GAD2: variants seen among roughly 807,000 people sequenced by gnomAD.
The protein encoded by GAD2 is glutamate decarboxylase 2.
In GAD2, 22 loss-of-function variants were observed where a neutral mutation model predicts 80.1. The ratio of observed to expected loss-of-function variants is 0.27; its 90% CI spans 0.20 to 0.39. The LOEUF (loss-of-function observed/expected upper bound fraction) is 0.39, where lower values mean the gene tolerates loss of function less well. Ranked by LOEUF, GAD2 falls within the 10% of genes least tolerant of loss-of-function variation. The pLI, the probability that GAD2 is intolerant of heterozygous loss-of-function variation, is 1.00. For synonymous variants in GAD2, 274 were observed against 256.9 expected (o/e 1.07, Z -0.64); for missense variants, 624 against 738.4 (o/e 0.85, Z 1.80).
intron 8 of GAD2, 144 bp downstream of exon 8, chr10:26,246,144 A>C (rs1844806484): frequency 3.2e-6 from 2 of 629,714 alleles, no homozygotes; most frequent in African/African-American, 1.9e-5. Flanking sequence ...TCTTTTTAAC[A>C]TGGGCTCCTG....
intron 11 of GAD2, among the ~76,000 whole-genome samples, chr10:26,277,616 G>C (rs77362526): frequency 0.015 from 2,245 of 152,328 alleles, 62 homozygotes; most frequent in African/African-American, 0.05. Context: ...GGACAGGAAA[G>C]AAGCTGAGTG....
intron 7 of GAD2, among the ~76,000 whole-genome samples, chr10:26,232,526 G>A (rs1844617432): frequency 6.9e-6 from 1 of 145,340 alleles, no homozygotes; most frequent in African/African-American, 2.6e-5. Flanking sequence ...CCAGGCTGGA[G>A]TGCTGTGGCG....
At chr10:26,293,230 T>C (rs1279258867) in intron 15 of GAD2, among the ~76,000 whole-genome samples, 1 of 144,208 alleles carries the variant, frequency 6.9e-6, no homozygotes, top group African/African-American at 2.6e-5. Context: ...CAGGTTGCAG[T>C]GCAGTGGCGT....
chr10:26,239,038 C>T (rs1393406656), intron 7 of GAD2, among the ~76,000 whole-genome samples: 2 of 152,130 alleles, frequency 1.3e-5, no homozygotes, highest in Non-Finnish European at 2.9e-5. Context: ...GATTCCAGCT[C>T]ATTGATAGGC....
rs1473151824 is a variant in GAD2, at chr10:26,303,435, T to G, written c.*2474T>G. ...GATGTGGAATCAGGTCAGAAGAGAG[T>G]AAGGGAGGAAGGGAGGGAGGGAGGG... On this transcript the variant is annotated 3_prime_UTR_variant, in exon 16 of 16. Transcript: ENST00000376261. 2 of 88,450 alleles carry G rather than the reference T, an allele frequency of 2.3e-5. No individual in the cohort carries two copies. The highest frequency in any genetic ancestry group is 4.9e-5 in the African/African-American group (1 of 20,266). The allele number at this position is 88,450 out of a possible 1,614,324, so 5.5% of individuals were successfully genotyped here.
intron 6 of GAD2, among the ~76,000 whole-genome samples, chr10:26,229,293 A>G (rs1844568821): frequency 6.6e-6 from 1 of 152,106 alleles, no homozygotes; most frequent in African/African-American, 2.4e-5. Context: ...TGAAAAAAAA[A>G]AAGCTTTCTC....
Position 26,300,943 on chromosome 10 carries a change from C to T in GAD2, c.1740C>T (p.Arg580=), listed in dbSNP as rs764878633. 6.2e-7 allele frequency: 1 copy of T among 1,613,618 alleles called. No homozygotes were observed. The highest frequency in any genetic ancestry group is 8.5e-7 in the Non-Finnish European group (1 of 1,179,762). Residue 580 remains arginine, a synonymous_variant, in exon 16 of 16, where the codon CGC becomes CGT. Transcript: ENST00000376261. ...ACTTCCTGATTGAAGAAATAGAACG[C>T]CTTGGACAAGATTTATAATAACCTT... ...DIDFLIEEIE[R]LGQDL
chr10:26,279,240 CAAAGCCA>C (rs1375122435), intron 11 of GAD2, among the ~76,000 whole-genome samples: 1 of 152,070 alleles, frequency 6.6e-6, no homozygotes, highest in Non-Finnish European at 1.5e-5. Flanking sequence ...AGAAGTTAAA[CAAAGCCA>C]CAGAGATCAT....
intron 6 of GAD2, among the ~76,000 whole-genome samples, chr10:26,229,125 T>C (rs1053916632): frequency 1.3e-5 from 2 of 150,496 alleles, no homozygotes; most frequent in Non-Finnish European, 2.9e-5. Context: ...ACCCAGGAGA[T>C]AGAGGTGGCA....
intron 8 of GAD2, among the ~76,000 whole-genome samples, chr10:26,253,973 CTG>C (rs1844913314): frequency 6.6e-6 from 1 of 152,196 alleles, no homozygotes; most frequent in South Asian, 2.1e-4. Context: ...CAGGATGAAA[CTG>C]TTCCACCTCA....
intron 8 of GAD2, among the ~76,000 whole-genome samples, chr10:26,254,889 G>A (rs2132294534): frequency 6.6e-6 from 1 of 152,342 alleles, no homozygotes; most frequent in Middle Eastern, 3.4e-3. Context: ...AGGAGGCAAG[G>A]ATGAATGCCA....
intron 7 of GAD2, among the ~76,000 whole-genome samples, chr10:26,236,302 C>CTTT (rs201706752): frequency 7.3e-6 from 1 of 137,464 alleles, no homozygotes; most frequent in African/African-American, 2.7e-5. Context: ...TTTCTTTTTT[C>CTTT]TTTTTTTTTT....
At chr10:26,220,986 A>T (rs1844445909) in intron 4 of GAD2, among the ~76,000 whole-genome samples, 1 of 152,242 alleles carries the variant, frequency 6.6e-6, no homozygotes, top group Admixed American at 6.5e-5. Flanking sequence ...TTCAGATAAA[A>T]ATGTGATGGA....
At chr10:26,254,975 A>G (rs1188675886) in intron 8 of GAD2, among the ~76,000 whole-genome samples, 1 of 152,240 alleles carries the variant, frequency 6.6e-6, no homozygotes, top group Non-Finnish European at 1.5e-5. Context: ...TGAACCATTC[A>G]GATTTGGAGA....
chr10:26,281,890 G>A (rs911116818), intron 12 of GAD2, among the ~76,000 whole-genome samples: 1 of 152,028 alleles, frequency 6.6e-6, no homozygotes, highest in Non-Finnish European at 1.5e-5. Context: ...TATCTTCTTA[G>A]CATTAATAAA....
intron 15 of GAD2, among the ~76,000 whole-genome samples, chr10:26,297,899 T>G (rs1834292295): frequency 1.3e-5 from 2 of 152,196 alleles, no homozygotes; most frequent in Admixed American, 1.3e-4. Flanking sequence ...ACATGCAGAA[T>G]GAGTAAACAT....
At chr10:26,287,682 G>A (rs950825663) in intron 13 of GAD2, among the ~76,000 whole-genome samples, 1 of 152,196 alleles carries the variant, frequency 6.6e-6, no homozygotes, top group Non-Finnish European at 1.5e-5. Flanking sequence ...AGTCTTATGT[G>A]ACAGTTTTTG....
intron 4 of GAD2, among the ~76,000 whole-genome samples, chr10:26,221,376 AC>A (rs1844450002): frequency 6.6e-6 from 1 of 152,220 alleles, no homozygotes; most frequent in African/African-American, 2.4e-5. Context: ...TGTTAAAATT[AC>A]CTCTGTAAAA....
chr10:26,277,578 A>G (rs1164103461), intron 11 of GAD2, among the ~76,000 whole-genome samples: 1 of 152,208 alleles, frequency 6.6e-6, no homozygotes, highest in African/African-American at 2.4e-5. Context: ...ACTAGAAGCT[A>G]TTAAGCTCTT....
Sources: gnomAD v4.1 joint callset for allele counts (sites outside exome capture counted in the v4.1 genomes callset) on GRCh38, gnomAD v4.1.1 for gene constraint, MANE v1.5 for transcripts, NCBI Gene and HGNC (gene_info 2026-07-23, HGNC 2026-07-21) for gene names.